ZSWIM8: variants seen among roughly 807,000 people sequenced by gnomAD.
ZSWIM8 encodes the protein zinc finger SWIM domain-containing protein 8.
Under a neutral mutation model 173.7 loss-of-function variants are expected in ZSWIM8, and 27 were observed. The ratio of observed to expected loss-of-function variants is 0.16; its 90% CI spans 0.11 to 0.21. ZSWIM8 has a LOEUF of 0.21. Ranked by LOEUF, ZSWIM8 falls within the 10% of genes least tolerant of loss-of-function variation. The pLI, the probability that ZSWIM8 is intolerant of heterozygous loss-of-function variation, is 1.00. For missense variants in ZSWIM8, 1,627 were observed against 2,428.8 expected (o/e 0.67, Z 6.94); for synonymous variants, 958 against 962.0 (o/e 1.00, Z 0.08).
At chr10:73,787,782 G>A (rs1012383209) in intron 1 of ZSWIM8, among the ~76,000 whole-genome samples, 1 of 152,134 alleles carries the variant, frequency 6.6e-6, no homozygotes, top group Non-Finnish European at 1.5e-5. Context: ...GAACCCAGGA[G>A]GGAGAGGTTG....
chr10:73,792,404 G>A lies in ZSWIM8; in HGVS notation c.1865G>A (p.Ser622Asn), dbSNP rs1490008678. ...SSLEPDLAEM[S>N]LDDSSLALGA... ...CTGGAGCCAGACCTGGCCGAGATGAGCCTGGATGACAGCAGCCTGGCCCTG... is the reference window on the plus strand; with the variant it reads ...CTGGAGCCAGACCTGGCCGAGATGAACCTGGATGACAGCAGCCTGGCCCTG... Residue 622 changes from serine (S) to asparagine (N), a missense_variant, in exon 10 of 26, where the codon AGC (serine) becomes AAC (asparagine). Physicochemically the swap from Ser to Asn is conservative, Grantham distance 46. Around this residue, in one of 18 missense-constraint regions of ZSWIM8, gnomAD observed 383 missense variants for 394.8 expected, o/e 0.97. Transcript: ENST00000604729. This position sits in a 1 kb window ranked among gnomAD's most constrained non-coding sequence, Gnocchi z 4.3. 4 of 1,604,544 alleles carry A rather than the reference G, an allele frequency of 2.5e-6. No homozygotes were observed. Among genetic ancestry groups the A allele is most frequent in the Admixed American group, 1.7e-5 (1 of 58,106 alleles).
intron 7 of ZSWIM8, 90 bp from the exon 8 acceptor site, chr10:73,790,885 C>T: frequency 1.6e-6 from 2 of 1,268,964 alleles, no homozygotes; most frequent in African/African-American, 3.0e-5. Flanking sequence ...CTTTTTCCCT[C>T]TATCTTCTGT....
chr10:73,795,962 C>CATAAA (rs2083627304), intron 15 of ZSWIM8, among the ~76,000 whole-genome samples: 1 of 58,810 alleles, frequency 1.7e-5, no homozygotes, highest in Non-Finnish European at 3.3e-5. Flanking sequence ...GACCCTGTTT[C>CATAAA]AAAAAAAAAA....
chr10:73,799,693 G>A, intron 21 of ZSWIM8: 1 of 736,586 alleles, frequency 1.4e-6, no homozygotes, highest in Non-Finnish European at 2.2e-6. Context: ...CACTTTGAGA[G>A]GCCGATGTGG....
rs777450053 is a variant in ZSWIM8, at chr10:73,793,689, C to T, written c.2415C>T (p.Pro805=). The T allele has an allele frequency of 4.2e-5, 68 of 1,613,412 alleles. No individual in the cohort carries two copies. The highest frequency in any genetic ancestry group is 5.4e-5 in the Non-Finnish European group (64 of 1,179,626). ...ELAQDLLANP[P]DLKVEPPPAK... Reference sequence around the variant, plus strand: ...CCCAGGATCTGCTAGCCAACCCACCCGACCTCAAGGTAGAGCCGCCCCCTG... The same window carrying T: ...CCCAGGATCTGCTAGCCAACCCACCTGACCTCAAGGTAGAGCCGCCCCCTG... Residue 805 remains proline (P), a synonymous_variant, in exon 11 of 26, where the codon CCC becomes CCT. Coordinates refer to ENST00000604729, the MANE Select transcript of ZSWIM8 (RefSeq NM_001367799.1).
rs2083196009 is a variant in ZSWIM8, at chr10:73,785,774, AGCCCCGGCTCGCCCCTCAG to A, written c.-97_-79del. ...CGCCCTGAGCGCCCCGGCCACCCCC[AGCCCCGGCTCGCCCCTCAG>A]GCCCCGGGCCTCCCCTCAACCCCCG... On this transcript the variant is annotated 5_prime_UTR_variant, in exon 1 of 26. Transcript: ENST00000604729. 3.0e-5 allele frequency: 39 copies of A among 1,281,192 alleles called. No homozygotes were observed. The highest frequency in any genetic ancestry group is 4.2e-5 in the Non-Finnish European group (39 of 931,444). The allele number at this position is 1,281,192 out of a possible 1,614,324, so 79.4% of individuals were successfully genotyped here.
chr10:73,795,649 G>T lies in ZSWIM8; in HGVS notation c.3019G>T (p.Ala1007Ser). 1 of 1,613,110 alleles carries T rather than the reference G, an allele frequency of 6.2e-7. No homozygotes were observed. The change falls in exon 15 of 26, where the codon GCC (alanine) becomes TCC (serine). Residue 1007 changes from alanine to serine, a missense_variant. Transcript: ENST00000604729. ...AATGATCACTTACAAGGACGACCAGGCCAAGCTTAAGAAGGTAAGAGACTG... is the reference window on the plus strand; with the variant it reads ...AATGATCACTTACAAGGACGACCAGTCCAAGCTTAAGAAGGTAAGAGACTG... ...ALMITYKDDQ[A>S]KLKKILDKLL... is the part of the protein sequence containing the mutation.
chr10:73,786,176 GAGCTCT>G (rs1436528756), intron 1 of ZSWIM8, 90 bp downstream of exon 1: 17 of 1,332,264 alleles, frequency 1.3e-5, no homozygotes, highest in South Asian at 1.6e-5. Context: ...CCCCGACCAA[GAGCTCT>G]CTTCAACCAG....
chr10:73,801,724 G>A lies in ZSWIM8; in HGVS notation c.*205G>A. The A allele has an allele frequency of 1.3e-6, 2 of 1,530,964 alleles. No individual in the cohort carries two copies. The highest frequency in any genetic ancestry group is 1.2e-5 in the South Asian group (1 of 83,150). The allele number at this position is 1,530,964 out of a possible 1,614,324, so 94.8% of individuals were successfully genotyped here. A position where few individuals can be genotyped will look rare whatever the true frequency, so the allele number is the denominator to read the frequency against. On this transcript the variant is annotated 3_prime_UTR_variant, in exon 26 of 26. Coordinates refer to ENST00000604729, the MANE Select transcript of ZSWIM8 (RefSeq NM_001367799.1). The surrounding 1 kb of genome is among the most constrained non-coding windows in gnomAD (Gnocchi z 4.9). ...GGGCTGGGGGAGACAGCCCTGTCTG[G>A]GAGGGGGCGTTGGGTGGCCTCTGGT... is the stretch of plus-strand genomic sequence containing the variant.
chr10:73,786,376 G>A (rs1271396150), intron 1 of ZSWIM8: 4 of 372,368 alleles, frequency 1.1e-5, no homozygotes, highest in East Asian at 4.0e-5. Flanking sequence ...GCTGTGACAG[G>A]GAGATCCTGT....
Position 73,800,843 on chromosome 10 carries a change from T to C in ZSWIM8, c.5122+84T>C. 8.4e-7 allele frequency: 1 copy of C among 1,189,676 alleles called. No individual in the cohort carries two copies. Among genetic ancestry groups the C allele is most frequent in the Non-Finnish European group, 1.2e-6 (1 of 841,374 alleles). The allele number at this position is 1,189,676 out of a possible 1,614,324, so 73.7% of individuals were successfully genotyped here. Reference sequence around the variant, plus strand: ...TTATCCCAGACCTCCTTCCTAGCTCTTGCTCAGAGTTGAGGCCTTGGTCGG... The same window carrying C: ...TTATCCCAGACCTCCTTCCTAGCTCCTGCTCAGAGTTGAGGCCTTGGTCGG... On this transcript the variant is annotated intron_variant, in intron 24 of 25. Coordinates refer to ENST00000604729, the MANE Select transcript of ZSWIM8 (RefSeq NM_001367799.1). The surrounding 1 kb of genome is among the most constrained non-coding windows in gnomAD (Gnocchi z 4.1).
intron 14 of ZSWIM8, 31 bp downstream of exon 14, chr10:73,794,670 C>G (rs1465959152): frequency 2.0e-6 from 3 of 1,531,016 alleles, no homozygotes; most frequent in Non-Finnish European, 2.7e-6. Context: ...CGAGCTAAGC[C>G]TGGTTCAGGT....
At chr10:73,796,004 T>C (rs1396104252) in intron 15 of ZSWIM8, among the ~76,000 whole-genome samples, 1 of 149,208 alleles carries the variant, frequency 6.7e-6, no homozygotes, top group Non-Finnish European at 1.5e-5. Flanking sequence ...CTGGGGCCTT[T>C]GACAGGCAGA....
chr10:73,795,323 G>A (rs1272028239), intron 14 of ZSWIM8, among the ~76,000 whole-genome samples: 2 of 152,180 alleles, frequency 1.3e-5, no homozygotes, highest in African/African-American at 4.8e-5. Flanking sequence ...AGTACATGCT[G>A]GGTAAGCAGA....
Position 73,792,334 on chromosome 10 carries a change from G to A in ZSWIM8, c.1795G>A (p.Ala599Thr). 1 of 1,612,980 alleles carries A rather than the reference G, an allele frequency of 6.2e-7. No individual in the cohort carries two copies. Among genetic ancestry groups the A allele is most frequent in the Non-Finnish European group, 8.5e-7 (1 of 1,179,552 alleles). ...GGCTGGCAGTGGGAGCAAGGGCTCA[G>A]CAGGTGGCGGAAGCAAGCGACGGCT... ...GGAGSGSKGS[A>T]GGGSKRRLSS... The change falls in exon 10 of 26, where the codon GCA becomes ACA. Residue 599 changes from alanine to threonine, a missense_variant. Physicochemically the swap from Ala to Thr is moderately conservative, Grantham distance 58 (BLOSUM62 0). This residue lies in a region of ZSWIM8 where 383 missense variants were observed against 394.8 expected (regional missense o/e 0.97). Transcript: ENST00000604729. This position sits in a 1 kb window ranked among gnomAD's most constrained non-coding sequence, Gnocchi z 4.3.
rs1006730925 is a variant in ZSWIM8, at chr10:73,801,687, C to T, written c.*168C>T. On this transcript the variant is annotated 3_prime_UTR_variant, in exon 26 of 26. Coordinates refer to ENST00000604729, the MANE Select transcript of ZSWIM8 (RefSeq NM_001367799.1). The surrounding 1 kb of genome is among the most constrained non-coding windows in gnomAD (Gnocchi z 4.9). ...AGCTTGGGGCCAAGATGTCTCACAC[C>T]CTAGAAGCCTAGGGCTGGGGGAGAC... The T allele has an allele frequency of 2.5e-5, 39 of 1,533,914 alleles. No homozygotes were observed. Among genetic ancestry groups the T allele is most frequent in the Non-Finnish European group, 3.3e-5 (38 of 1,146,208 alleles).
Position 73,789,069 on chromosome 10 carries a change from T to C in ZSWIM8, c.363-27T>C, listed in dbSNP as rs1165153727. On this transcript the variant is annotated intron_variant, in intron 2 of 25. Transcript: ENST00000604729. The surrounding 1 kb of genome is among the most constrained non-coding windows in gnomAD (Gnocchi z 6.8). ...CTGCCAAAGGTTATTTGCTGAGTTG[T>C]GGCTGTGTCCTCTTCTTCACCCCCA... is the stretch of plus-strand genomic sequence containing the variant. 8 of 1,609,010 alleles carry C rather than the reference T, an allele frequency of 5.0e-6. No homozygotes were observed. The highest frequency in any genetic ancestry group is 1.3e-5 in the African/African-American group (1 of 74,358).
intron 21 of ZSWIM8, 21 bp downstream of exon 21, chr10:73,799,511 G>A (rs982392686): frequency 6.3e-7 from 1 of 1,590,518 alleles, no homozygotes; most frequent in South Asian, 1.1e-5. Context: ...TGTTCTGCTG[G>A]GGGGTAAGGC....
rs768783805 is a variant in ZSWIM8 at position 73,797,119 on chromosome 10, C to T, written c.3281C>T (p.Ser1094Phe). 1 of 1,613,472 alleles carries T rather than the reference C, an allele frequency of 6.2e-7. No homozygotes were observed. Among genetic ancestry groups the T allele is most frequent in the East Asian group, 2.2e-5 (1 of 44,876 alleles). Residue 1094 changes from serine (S) to phenylalanine (F), a missense_variant, in exon 17 of 26, where the codon TCC (serine) becomes TTC (phenylalanine). Coordinates refer to ENST00000604729, the MANE Select transcript of ZSWIM8 (RefSeq NM_001367799.1). This position sits in a 1 kb window ranked among gnomAD's most constrained non-coding sequence, Gnocchi z 5.6. ...GFTEKNVPES[S>F]PHSPCEGLPS... Reference sequence around the variant, plus strand: ...TCCTGTTTTCCTCACCTAGAGAGTTCCCCACATTCCCCCTGTGAGGGTCTT... The same window carrying T: ...TCCTGTTTTCCTCACCTAGAGAGTTTCCCACATTCCCCCTGTGAGGGTCTT...
Sources: gnomAD v4.1 joint callset for allele counts (sites outside exome capture counted in the v4.1 genomes callset) on GRCh38, gnomAD v4.1.1 for gene constraint, gnomAD v4.1.1 regional missense constraint, Gnocchi (gnomAD v3.1) non-coding constraint, MANE v1.5 for transcripts, NCBI Gene and HGNC (gene_info 2026-07-23, HGNC 2026-07-21) for gene names.